Variants in SPOCK1 observed in about 807,000 individuals in gnomAD.
The protein encoded by SPOCK1 is testican-1.
A neutral mutation model predicts 55.3 loss-of-function variants in SPOCK1; 23 were observed. The observed-to-expected ratio is 0.42, with a 90% CI of 0.30 to 0.59. The LOEUF (loss-of-function observed/expected upper bound fraction) is 0.59. Among genes scored for constraint, SPOCK1 ranks in the 20% least tolerant of loss-of-function variants. SPOCK1 has a pLI of 0.22. For synonymous variants in SPOCK1, 226 were observed against 221.0 expected, an observed-to-expected ratio of 1.02 and a Z score of -0.20; for missense variants, 499 against 552.5, an observed-to-expected ratio of 0.90 and a Z score of 0.97.
At chr5:137,460,343 G>A (rs1033023805) in intron 2 of SPOCK1, among the ~76,000 whole-genome samples, 1 of 152,110 alleles carries the variant, frequency 6.6e-6, no homozygotes, top group African/African-American at 2.4e-5. Context: ...TCACTGCAGG[G>A]GAGTAAGCCC....
chr5:137,349,004 C>T (rs1335048617), intron 2 of SPOCK1, among the ~76,000 whole-genome samples: 2 of 152,150 alleles, frequency 1.3e-5, no homozygotes, highest in African/African-American at 2.4e-5. Flanking sequence ...TTTGACTCAA[C>T]ACACTGGTGC....
intron 6 of SPOCK1, among the ~76,000 whole-genome samples, chr5:137,001,646 C>T (rs769712008): frequency 6.6e-6 from 1 of 152,202 alleles, no homozygotes; most frequent in Non-Finnish European, 1.5e-5. Flanking sequence ...TGTTGCTCTT[C>T]ACGCAAGCCC....
intron 2 of SPOCK1, among the ~76,000 whole-genome samples, chr5:137,446,271 T>C (rs7735279): frequency 0.014 from 2,131 of 152,284 alleles, 23 homozygotes; most frequent in Middle Eastern, 0.034. Flanking sequence ...CTTGTAAAAA[T>C]CGTTAACAGC....
chr5:137,271,737 G>T (rs1756968308), intron 2 of SPOCK1, among the ~76,000 whole-genome samples: 1 of 152,018 alleles, frequency 6.6e-6, no homozygotes, highest in Non-Finnish European at 1.5e-5. Flanking sequence ...GAAAAGATGG[G>T]GTGGCAGAAC....
At chr5:137,076,348 G>T (rs949565702) in intron 5 of SPOCK1, among the ~76,000 whole-genome samples, 42 of 152,298 alleles carry the variant, frequency 2.8e-4, no homozygotes, top group African/African-American at 1.0e-3. Context: ...CTAGAGCCTA[G>T]CATATCACAA....
intron 2 of SPOCK1, among the ~76,000 whole-genome samples, chr5:137,414,518 C>G (rs528334701): frequency 1.3e-5 from 2 of 152,214 alleles, no homozygotes; most frequent in South Asian, 2.1e-4. Context: ...GATTTTAAAG[C>G]CTGAAGAAAC....
chr5:137,352,676 G>C (rs1422218131), intron 2 of SPOCK1, among the ~76,000 whole-genome samples: 1 of 152,054 alleles, frequency 6.6e-6, no homozygotes, highest in Non-Finnish European at 1.5e-5. Flanking sequence ...GAAAGGTGGG[G>C]AAGAGGAAGG....
At chr5:136,980,029 G>A (rs1304109421) in intron 9 of SPOCK1, among the ~76,000 whole-genome samples, 1 of 152,114 alleles carries the variant, frequency 6.6e-6, no homozygotes, top group Non-Finnish European at 1.5e-5. Flanking sequence ...CCAGTCTGTG[G>A]ATCATATGGT....
Position 136,978,684 on chromosome 5 carries a change from GTCATCATCC to G in SPOCK1, c.1281_1289del (p.Glu427_Asp429del). The G allele has an allele frequency of 6.2e-7, 1 of 1,612,576 alleles. No individual in the cohort carries two copies. The highest frequency in any genetic ancestry group is 1.7e-5 in the Admixed American group (1 of 59,734). ...ATATGTACCCGACCTCATCCTCTTT[GTCATCATCC>G]TCATCCTCATCATCCTCTGTCACGG... is the stretch of plus-strand genomic sequence containing the variant. On this transcript the variant is annotated inframe_deletion, in exon 11 of 11. Transcript: ENST00000394945.
At chr5:137,434,510 T>G (rs1442552294) in intron 2 of SPOCK1, among the ~76,000 whole-genome samples, 5 of 120,688 alleles carry the variant, frequency 4.1e-5, no homozygotes, top group Non-Finnish European at 8.5e-5. Flanking sequence ...TTTTTTTTTT[T>G]GAGATGGAGT....
chr5:137,458,168 CATAA>C (rs559719525), intron 2 of SPOCK1, among the ~76,000 whole-genome samples: 11 of 152,298 alleles, frequency 7.2e-5, no homozygotes, highest in South Asian at 2.1e-4. Context: ...GAAGAACCCA[CATAA>C]ATAGACACCA....
At chr5:137,060,276 G>A (rs1349858156) in intron 6 of SPOCK1, among the ~76,000 whole-genome samples, 3 of 152,166 alleles carry the variant, frequency 2.0e-5, no homozygotes, top group African/African-American at 7.2e-5. Context: ...CCATAAAAAA[G>A]AGTGAGATCA....
chr5:137,325,734 C>G (rs2127148981), intron 2 of SPOCK1, among the ~76,000 whole-genome samples: 2 of 152,240 alleles, frequency 1.3e-5, no homozygotes, highest in African/African-American at 4.8e-5. Flanking sequence ...ATGTTAATAC[C>G]AGGAAATATT....
intron 6 of SPOCK1, among the ~76,000 whole-genome samples, chr5:137,014,652 T>C (rs748043802): frequency 6.6e-6 from 1 of 152,206 alleles, no homozygotes; most frequent in Admixed American, 6.5e-5. Flanking sequence ...CAAGAGGGAC[T>C]TTCTGTGTCA....
intron 5 of SPOCK1, among the ~76,000 whole-genome samples, chr5:137,073,656 A>C (rs1752661402): frequency 6.6e-6 from 1 of 152,026 alleles, no homozygotes; most frequent in African/African-American, 2.4e-5. Flanking sequence ...GCTGTTAAAA[A>C]TGTAAAAGAG....
intron 3 of SPOCK1, among the ~76,000 whole-genome samples, chr5:137,240,252 TATAAGAAAAG>T (rs1486020576): frequency 2.0e-5 from 3 of 152,182 alleles, no homozygotes; most frequent in African/African-American, 7.2e-5. Context: ...TGTGGTAATT[TATAAGAAAAG>T]AGATTGGATT....
chr5:137,425,916 C>T (rs930635254), intron 2 of SPOCK1, among the ~76,000 whole-genome samples: 3 of 151,792 alleles, frequency 2.0e-5, no homozygotes, highest in African/African-American at 7.3e-5. Context: ...CCTCAAACCC[C>T]CTTTGGGGTA....
intron 3 of SPOCK1, among the ~76,000 whole-genome samples, chr5:137,151,835 A>G (rs1754324230): frequency 6.6e-6 from 1 of 152,228 alleles, no homozygotes; most frequent in Non-Finnish European, 1.5e-5. Context: ...AAGCATTTGC[A>G]GTTCCCCAGA....
chr5:137,001,626 GTGTACAAGT>G (rs1456349413), intron 6 of SPOCK1, among the ~76,000 whole-genome samples: 1 of 152,202 alleles, frequency 6.6e-6, no homozygotes, highest in Non-Finnish European at 1.5e-5. Context: ...ACAACCCTCA[GTGTACAAGT>G]TGTTGCTCTT....
Sources: allele counts gnomAD v4.1 joint callset (sites outside exome capture counted in the v4.1 genomes callset), GRCh38; gene constraint gnomAD v4.1.1; transcripts MANE v1.5; gene names NCBI Gene and HGNC (gene_info 2026-07-23, HGNC 2026-07-21).